Variants in ABTB3 observed in about 807,000 individuals in gnomAD.
ABTB3 encodes ankyrin repeat and BTB domain containing 3.
chr12:107,469,866 TTTTC>T, the ABTB3 span, among the ~76,000 whole-genome samples: 3,211 of 75,834 alleles, frequency 0.042, 352 homozygotes, highest in Non-Finnish European at 0.055. Flanking sequence ...TCTTTCTTTC[TTTTC>T]TTTCTTTCTT....
At chr12:107,366,771 AT>A in the ABTB3 span, among the ~76,000 whole-genome samples, 1 of 152,202 alleles carries the variant, frequency 6.6e-6, no homozygotes, top group African/African-American at 2.4e-5. Context: ...GAAAATATAT[AT>A]TTTTTAATGC....
the ABTB3 span, among the ~76,000 whole-genome samples, chr12:107,604,125 C>T: frequency 7.2e-5 from 11 of 151,954 alleles, no homozygotes; most frequent in Admixed American, 5.9e-4. Flanking sequence ...GCCGAGATCA[C>T]GCCACTGCAC....
the ABTB3 span, among the ~76,000 whole-genome samples, chr12:107,491,996 T>C: frequency 2.8e-5 from 2 of 71,032 alleles, no homozygotes; most frequent in African/African-American, 1.2e-4. Flanking sequence ...CTCTAGTCCA[T>C]CTCCCCAGGA....
chr12:107,648,376 A>C, the ABTB3 span, among the ~76,000 whole-genome samples: 8 of 138,908 alleles, frequency 5.8e-5, no homozygotes, highest in Admixed American at 6.2e-4. Context: ...GCAAGACCCC[A>C]TCTCCACACA....
the ABTB3 span, among the ~76,000 whole-genome samples, chr12:107,382,734 G>A: frequency 7.5e-6 from 1 of 134,074 alleles, no homozygotes; most frequent in African/African-American, 2.6e-5. Flanking sequence ...CACAGGGAGG[G>A]GAACATCACA....
the ABTB3 span, among the ~76,000 whole-genome samples, chr12:107,519,790 G>T: frequency 1.3e-5 from 2 of 152,338 alleles, no homozygotes; most frequent in African/African-American, 4.8e-5. Flanking sequence ...ACTTAGGGAG[G>T]TTGGGGTGGC....
the ABTB3 span, among the ~76,000 whole-genome samples, chr12:107,543,500 T>C: frequency 7.9e-5 from 12 of 152,004 alleles, no homozygotes; most frequent in Non-Finnish European, 1.8e-4. Flanking sequence ...AGGGAGAGAA[T>C]GTTCTGGACA....
chr12:107,518,801 GTGTTCAATAAGTGCTTCCAC>G, the ABTB3 span, among the ~76,000 whole-genome samples: 10 of 151,300 alleles, frequency 6.6e-5, no homozygotes, highest in Non-Finnish European at 1.2e-4. Context: ...AACACAGCAG[GTGTTCAATAAGTGCTTCCAC>G]TGTGTTGACA....
the ABTB3 span, among the ~76,000 whole-genome samples, chr12:107,545,689 C>T: frequency 6.6e-6 from 1 of 152,214 alleles, no homozygotes; most frequent in Non-Finnish European, 1.5e-5. Flanking sequence ...CATATTTTCA[C>T]GTGCAAACAT....
At chr12:107,474,509 T>G in the ABTB3 span, among the ~76,000 whole-genome samples, 1 of 152,154 alleles carries the variant, frequency 6.6e-6, no homozygotes, top group Non-Finnish European at 1.5e-5. Context: ...TCAAAACCTG[T>G]GCTCTTCTGA....
chr12:107,433,829 A>C, the ABTB3 span, among the ~76,000 whole-genome samples: 6 of 152,198 alleles, frequency 3.9e-5, no homozygotes, highest in Non-Finnish European at 8.8e-5. Flanking sequence ...AAACAACAGA[A>C]ACCTGTGTTA....
chr12:107,651,124 C>T, the ABTB3 span, among the ~76,000 whole-genome samples: 4 of 152,032 alleles, frequency 2.6e-5, no homozygotes, highest in African/African-American at 4.8e-5. Context: ...AGGCCGGCAC[C>T]GTGCTCAGGG....
chr12:107,608,150 G>A, the ABTB3 span, among the ~76,000 whole-genome samples: 8 of 152,168 alleles, frequency 5.3e-5, no homozygotes, highest in Non-Finnish European at 8.8e-5. Flanking sequence ...ATCTGAGGCG[G>A]ACAGGCACAC....
At chr12:107,413,003 G>A in the ABTB3 span, among the ~76,000 whole-genome samples, 421 of 152,268 alleles carry the variant, frequency 2.8e-3, 5 homozygotes, top group African/African-American at 9.1e-3. Context: ...GGCCGGGCGC[G>A]GTGGCTCACG....
the ABTB3 span, among the ~76,000 whole-genome samples, chr12:107,508,165 G>A: frequency 1.3e-5 from 2 of 152,078 alleles, no homozygotes; most frequent in East Asian, 3.9e-4. Context: ...GCTCCAAGAA[G>A]GAAGCTCCTT....
the ABTB3 span, among the ~76,000 whole-genome samples, chr12:107,568,783 A>G: frequency 6.6e-6 from 1 of 152,136 alleles, no homozygotes; most frequent in South Asian, 2.1e-4. Flanking sequence ...AAGCTAGAAG[A>G]GAAGTTTCTG....
At chr12:107,526,954 T>A in the ABTB3 span, among the ~76,000 whole-genome samples, 1 of 152,168 alleles carries the variant, frequency 6.6e-6, no homozygotes, top group Non-Finnish European at 1.5e-5. Context: ...GCCACTGGCC[T>A]ACTGATATTT....
At chr12:107,495,405 G>A in the ABTB3 span, among the ~76,000 whole-genome samples, 1 of 152,228 alleles carries the variant, frequency 6.6e-6, no homozygotes, top group South Asian at 2.1e-4. Flanking sequence ...AGCGGGGATG[G>A]CCCGGCAGGC....
the ABTB3 span, among the ~76,000 whole-genome samples, chr12:107,476,490 T>G: frequency 6.6e-6 from 1 of 152,094 alleles, no homozygotes; most frequent in African/African-American, 2.4e-5. Flanking sequence ...AGGGTCTCGG[T>G]TTTGCCATCT....
Sources: gnomAD v4.1 joint callset for allele counts (sites outside exome capture counted in the v4.1 genomes callset) on GRCh38, gnomAD v4.1.1 for gene constraint, MANE v1.5 for transcripts, NCBI Gene and HGNC (gene_info 2026-07-23, HGNC 2026-07-21) for gene names.